The following PRSS57 variants were observed in gnomAD, a reference collection of about 807,000 sequenced individuals.
PRSS57 encodes the protein serine protease 57, also known as neutrophil serine protease 4.
A neutral mutation model predicts 20.6 loss-of-function variants in PRSS57; 19 were observed. That is an observed-to-expected ratio of 0.92 (90% CI 0.64 to 1.35). The LOEUF (loss-of-function observed/expected upper bound fraction) is 1.35. Among genes scored for constraint, PRSS57 ranks in the 40% most tolerant of loss-of-function variants. The probability of loss-of-function intolerance (pLI) is 0.00; values close to 1 mark genes in which losing one functional copy is unlikely to be tolerated. For synonymous variants in PRSS57, 203 were observed against 176.6 expected (o/e 1.15, Z -1.19); for missense variants, 440 against 403.7 (o/e 1.09, Z -0.77).
At chr19:691,825 TAAAC>T (rs776204387) in intron 3 of PRSS57, 29 bp downstream of exon 3, 1 of 1,319,812 alleles carries the variant, frequency 7.6e-7, no homozygotes, top group Non-Finnish European at 9.8e-7. Flanking sequence ...TCTCAAAAAC[TAAAC>T]ATACGTCAGA....
At chr19:687,783 T>C (rs894552766) in intron 3 of PRSS57, among the ~76,000 whole-genome samples, 1 of 152,004 alleles carries the variant, frequency 6.6e-6, no homozygotes, top group African/African-American at 2.4e-5. Flanking sequence ...AGACAAAACC[T>C]CTTTGCTCAC....
chr19:687,279 T>C (rs12976484), intron 3 of PRSS57, 91 bp from the exon 4 acceptor site: 207,296 of 1,384,582 alleles, frequency 0.15, 16,679 homozygotes, highest in Non-Finnish European at 0.16. Flanking sequence ...GTCCTGCCCT[T>C]GTGAAGCAAA....
intron 3 of PRSS57, among the ~76,000 whole-genome samples, chr19:688,917 C>T (rs998473591): frequency 2.6e-5 from 4 of 152,096 alleles, no homozygotes; most frequent in East Asian, 1.9e-4. Context: ...GGACTTTAAG[C>T]GTCTCCTCCA....
chr19:690,763 C>T lies in PRSS57; in HGVS notation c.378+1095G>A, dbSNP rs1049881809. 1.1e-4 allele frequency: 38 copies of T among 349,604 alleles called. No homozygotes were observed. The East Asian group carries it at 1.4e-3, about 13-fold the overall frequency. 21.7% of individuals were successfully genotyped at this position (349,604 alleles called of 1,614,324 possible). A position where few individuals can be genotyped will look rare whatever the true frequency, so the allele number is the denominator to read the frequency against. On this transcript the variant is annotated intron_variant, in intron 3 of 4. Transcript: ENST00000329267. ...CCAAGGAGGTAGCCACTGCCATCAT[C>T]GGGGCCGTCATCCTGGCCAAGCTCT... is the stretch of plus-strand genomic sequence containing the variant.
rs113581517 is a variant in PRSS57, at chr19:695,209, C to T, written c.79+143G>A. The T allele has an allele frequency of 4.4e-3, 2,137 of 487,516 alleles. 54 individuals carry two copies. The highest frequency in any genetic ancestry group is 0.039 in the African/African-American group (1,971 of 50,066). The allele number at this position is 487,516 out of a possible 1,614,324, so 30.2% of individuals were successfully genotyped here. On this transcript the variant is annotated intron_variant, in intron 1 of 4. Transcript: ENST00000329267. ...ACCCCGGCCGGATTTCCATCCATTT[C>T]CAGCAGAGGCAGCCACGGGGGCTCG... is the stretch of plus-strand genomic sequence containing the variant.
At chr19:690,619 C>G (rs889518319) in intron 3 of PRSS57, 10 of 248,014 alleles carry the variant, frequency 4.0e-5, no homozygotes, top group South Asian at 2.3e-4. Context: ...CTCTCCAGGA[C>G]GAGGTTTTGG....
chr19:691,800 C>T (rs1013430446), intron 3 of PRSS57, 58 bp downstream of exon 3: 2 of 1,303,534 alleles, frequency 1.5e-6, no homozygotes, highest in Non-Finnish European at 2.0e-6. Flanking sequence ...GCCCGAGCGA[C>T]AGAGCGAGAG....
intron 3 of PRSS57, 91 bp from the exon 4 acceptor site, chr19:687,279 T>A: frequency 7.2e-7 from 1 of 1,385,538 alleles, no homozygotes; most frequent in Non-Finnish European, 9.5e-7. Context: ...GTCCTGCCCT[T>A]GTGAAGCAAA....
Position 695,392 on chromosome 19 carries a change from C to A in PRSS57, c.39G>T (p.Leu13=). Residue 13 remains leucine (L), a synonymous_variant, in exon 1 of 5, where the codon CTG becomes CTT. Transcript: ENST00000329267. ...GCAGCATCAGGGCGGTGGCCACAGTCAGCAGAGGACGTCCCCAGCCCCTCA... is the reference window on the plus strand; with the variant it reads ...GCAGCATCAGGGCGGTGGCCACAGTAAGCAGAGGACGTCCCCAGCCCCTCA... ...LGLRGWGRPL[L]TVATALMLPV... The A allele has an allele frequency of 7.8e-7, 1 of 1,281,294 alleles. No individual in the cohort carries two copies. The highest frequency in any genetic ancestry group is 2.9e-5 in the East Asian group (1 of 34,432). The allele number at this position is 1,281,294 out of a possible 1,614,324, so 79.4% of individuals were successfully genotyped here.
chr19:689,146 T>G (rs12978248), intron 3 of PRSS57, among the ~76,000 whole-genome samples: 17,344 of 117,066 alleles, frequency 0.15, 1,567 homozygotes, highest in East Asian at 0.21. Context: ...GTGACGACGG[T>G]GCTAGAAGGG....
intron 4 of PRSS57, 109 bp downstream of exon 4, chr19:686,816 G>A: frequency 1.5e-6 from 2 of 1,373,874 alleles, no homozygotes; most frequent in Admixed American, 2.2e-5. Context: ...TCTCCGTCTG[G>A]TCCAACATCA....
intron 3 of PRSS57, chr19:690,867 G>A (rs933901088): frequency 6.1e-5 from 22 of 358,830 alleles, no homozygotes; most frequent in East Asian, 2.1e-4. Context: ...GTGACAGGCC[G>A]CTGCGGCTCT....
intron 2 of PRSS57, among the ~76,000 whole-genome samples, chr19:693,975 C>T (rs568766983): frequency 1.4e-4 from 22 of 152,216 alleles, no homozygotes; most frequent in African/African-American, 5.1e-4. Flanking sequence ...CTCCTGACCT[C>T]GTGATCCTCC....
intron 3 of PRSS57, among the ~76,000 whole-genome samples, chr19:688,147 G>A (rs1302405277): frequency 3.3e-5 from 5 of 152,192 alleles, no homozygotes; most frequent in East Asian, 3.8e-4. Context: ...TGGGAAGGAC[G>A]GCTCCAATCC....
intron 3 of PRSS57, among the ~76,000 whole-genome samples, chr19:688,839 T>C (rs2031549144): frequency 6.6e-6 from 1 of 152,004 alleles, no homozygotes; most frequent in African/African-American, 2.4e-5. Context: ...CCTCAAATGA[T>C]CTACCCGCCT....
At position 685,847 on chromosome 19, in the gene PRSS57, C is replaced by T. The variant is rs779913138; in HGVS notation, c.718G>A (p.Asp240Asn). ...LVSFSGLWCGDPKTPDVYTQV... is the reference protein window; with the variant it reads ...LVSFSGLWCGNPKTPDVYTQV... ...GTGTACACGTCGGGGGTCTTGGGGT[C>T]GCCGCACCAGAGGCCCGAGAAGGAA... Residue 240 changes from aspartate (D) to asparagine (N), a missense_variant, in exon 5 of 5, where the codon GAC becomes AAC. Physicochemically the swap from Asp to Asn is conservative, Grantham distance 23 (BLOSUM62 1). Coordinates refer to ENST00000329267, the MANE Select transcript of PRSS57 (RefSeq NM_001308209.2). The T allele has an allele frequency of 3.6e-5, 56 of 1,560,534 alleles. No homozygotes were observed. In the South Asian group the frequency reaches 4.0e-4, roughly 11 times the overall value.
intron 2 of PRSS57, among the ~76,000 whole-genome samples, chr19:693,866 G>C (rs1041612033): frequency 6.6e-6 from 1 of 152,022 alleles, no homozygotes; most frequent in East Asian, 1.9e-4. Flanking sequence ...CAGCCTCCTG[G>C]GTAGCTGGGA....
intron 3 of PRSS57, among the ~76,000 whole-genome samples, chr19:687,896 C>T (rs2031523843): frequency 6.6e-6 from 1 of 152,168 alleles, no homozygotes; most frequent in South Asian, 2.1e-4. Flanking sequence ...CCCCTCACAC[C>T]AGACCCCCAG....
intron 3 of PRSS57, among the ~76,000 whole-genome samples, chr19:688,987 G>A (rs898637515): frequency 1.3e-5 from 2 of 152,166 alleles, no homozygotes; most frequent in Non-Finnish European, 2.9e-5. Flanking sequence ...TTGAGCGCCT[G>A]CTGTGTGCCA....
Sources: allele counts gnomAD v4.1 joint callset (sites outside exome capture counted in the v4.1 genomes callset), GRCh38; gene constraint gnomAD v4.1.1; transcripts MANE v1.5; gene names NCBI Gene and HGNC (gene_info 2026-07-23, HGNC 2026-07-21).